The following C8orf34 variants were observed in gnomAD, a reference collection of about 807,000 sequenced individuals.
C8orf34 encodes uncharacterized protein C8orf34.
A neutral mutation model predicts 68.3 loss-of-function variants in C8orf34; 65 were observed. The ratio of observed to expected loss-of-function variants is 0.95; its 90% CI spans 0.78 to 1.17. The LOEUF is 1.17. C8orf34 is among the 50% of genes most tolerant of loss of function. The pLI is 0.00. For missense variants in C8orf34, 664 were observed against 655.4 expected (o/e 1.01, Z -0.14); for synonymous variants, 244 against 241.2 (o/e 1.01, Z -0.11).
intron 1 of C8orf34, among the ~76,000 whole-genome samples, chr8:68,375,503 A>G (rs1807753915): frequency 6.6e-6 from 1 of 152,226 alleles, no homozygotes. Flanking sequence ...TCGTTGCAAT[A>G]GAAACTCATA....
chr8:68,490,735 CT>C (rs1354569942), intron 5 of C8orf34, among the ~76,000 whole-genome samples: 1 of 152,010 alleles, frequency 6.6e-6, no homozygotes, highest in Non-Finnish European at 1.5e-5. Context: ...ACTTTTGCAT[CT>C]GATTTTTGGA....
At chr8:68,525,815 G>T in intron 6 of C8orf34, 1 of 507,738 alleles carries the variant, frequency 2.0e-6, no homozygotes, top group East Asian at 4.7e-5. Flanking sequence ...GATAACTCTG[G>T]AGCATGGCTT....
At chr8:68,357,890 T>C (rs1236672055) in intron 1 of C8orf34, among the ~76,000 whole-genome samples, 1 of 152,162 alleles carries the variant, frequency 6.6e-6, no homozygotes, top group Non-Finnish European at 1.5e-5. Context: ...CTCCCCACTT[T>C]TTTTGCTTGG....
intron 1 of C8orf34, among the ~76,000 whole-genome samples, chr8:68,406,201 G>T (rs1233962050): frequency 2.0e-5 from 3 of 152,124 alleles, no homozygotes; most frequent in Non-Finnish European, 4.4e-5. Context: ...TTGATCTGCT[G>T]GTCCTCTGGG....
chr8:68,766,185 G>A (rs1390227190), intron 10 of C8orf34, among the ~76,000 whole-genome samples: 1 of 152,188 alleles, frequency 6.6e-6, no homozygotes, highest in Non-Finnish European at 1.5e-5. Flanking sequence ...AAAAACATGA[G>A]AGACGTAAAG....
chr8:68,740,822 A>G (rs1010682264), intron 10 of C8orf34, among the ~76,000 whole-genome samples: 1 of 152,248 alleles, frequency 6.6e-6, no homozygotes, highest in African/African-American at 2.4e-5. Context: ...AAGACATGGA[A>G]TCAACCTAAA....
At chr8:68,807,101 G>A (rs573082321) in intron 12 of C8orf34, among the ~76,000 whole-genome samples, 1 of 152,240 alleles carries the variant, frequency 6.6e-6, no homozygotes, top group Admixed American at 6.5e-5. Flanking sequence ...ATTGTAGCTA[G>A]ATTATAAGAA....
chr8:68,470,111 A>G (rs969940763), intron 4 of C8orf34, among the ~76,000 whole-genome samples: 16 of 151,990 alleles, frequency 1.1e-4, no homozygotes, highest in African/African-American at 3.1e-4. Context: ...AGGAAGCTCC[A>G]CGTTTGGTTA....
chr8:68,514,066 C>T (rs1194754567), intron 5 of C8orf34, among the ~76,000 whole-genome samples: 1 of 152,164 alleles, frequency 6.6e-6, no homozygotes, highest in Non-Finnish European at 1.5e-5. Flanking sequence ...AGATGAGGTT[C>T]TTTGTCCCAC....
At chr8:68,346,222 C>A (rs1458694720) in intron 1 of C8orf34, among the ~76,000 whole-genome samples, 1 of 151,496 alleles carries the variant, frequency 6.6e-6, no homozygotes, top group African/African-American at 2.4e-5. Context: ...TCTGAGAATC[C>A]CAAATCTCTG....
chr8:68,453,970 T>C (rs543832524), intron 3 of C8orf34, among the ~76,000 whole-genome samples: 2 of 152,156 alleles, frequency 1.3e-5, no homozygotes, highest in Admixed American at 6.5e-5. Flanking sequence ...GTTTGTTGGA[T>C]ATTTTTATGA....
chr8:68,615,514 T>G (rs1818179261), intron 7 of C8orf34, among the ~76,000 whole-genome samples: 1 of 152,258 alleles, frequency 6.6e-6, no homozygotes, highest in Non-Finnish European at 1.5e-5. Context: ...TGCTGAATTT[T>G]GTCAAAGGCC....
chr8:68,749,781 A>G (rs1442718174), intron 10 of C8orf34, among the ~76,000 whole-genome samples: 1 of 152,140 alleles, frequency 6.6e-6, no homozygotes, highest in Non-Finnish European at 1.5e-5. Context: ...CAGTATGACC[A>G]TGTTACATAG....
At chr8:68,615,828 T>G (rs1382329452) in intron 7 of C8orf34, among the ~76,000 whole-genome samples, 1 of 152,044 alleles carries the variant, frequency 6.6e-6, no homozygotes, top group Non-Finnish European at 1.5e-5. Context: ...GAGGATTCCC[T>G]CTTTTTCTAT....
intron 3 of C8orf34, among the ~76,000 whole-genome samples, chr8:68,455,360 G>A (rs534136676): frequency 2.6e-4 from 40 of 152,024 alleles, no homozygotes; most frequent in Non-Finnish European, 4.3e-4. Context: ...TCTTATTATA[G>A]TGCCCTCTAA....
At chr8:68,647,043 C>A (rs760321433) in intron 8 of C8orf34, among the ~76,000 whole-genome samples, 1 of 152,114 alleles carries the variant, frequency 6.6e-6, no homozygotes, top group Non-Finnish European at 1.5e-5. Context: ...AAACCATACT[C>A]TGATAGGGGG....
chr8:68,481,672 A>T (rs532583964), intron 4 of C8orf34, among the ~76,000 whole-genome samples: 1 of 152,258 alleles, frequency 6.6e-6, no homozygotes, highest in East Asian at 1.9e-4. Flanking sequence ...GGAGCTTTAA[A>T]ATTTGACTAC....
intron 12 of C8orf34, among the ~76,000 whole-genome samples, chr8:68,803,815 AT>A (rs1009075429): frequency 1.2e-4 from 18 of 151,262 alleles, no homozygotes; most frequent in Non-Finnish European, 1.6e-4. Flanking sequence ...TCAGTGGGTC[AT>A]TTTTTTTTAA....
intron 4 of C8orf34, among the ~76,000 whole-genome samples, chr8:68,479,406 TGAGAGAGA>T (rs10573693): frequency 9.6e-4 from 141 of 147,442 alleles, no homozygotes; most frequent in East Asian, 9.1e-3. Flanking sequence ...AGAGAAACAG[TGAGAGAGA>T]GAGAGAGAGA....
Sources: gnomAD v4.1 joint callset for allele counts (sites outside exome capture counted in the v4.1 genomes callset) on GRCh38, gnomAD v4.1.1 for gene constraint, MANE v1.5 for transcripts, NCBI Gene and HGNC (gene_info 2026-07-23, HGNC 2026-07-21) for gene names.